The following FARP1 variants were observed in gnomAD, a reference collection of about 807,000 sequenced individuals.
The protein encoded by FARP1 is FERM, ARHGEF and pleckstrin domain-containing protein 1.
Under a neutral mutation model 128.8 loss-of-function variants are expected in FARP1, and 52 were observed. That is an observed-to-expected ratio of 0.40 (90% confidence interval 0.32 to 0.51). The LOEUF is 0.51. Ranked by LOEUF, FARP1 falls within the 20% of genes least tolerant of loss-of-function variation. The probability of loss-of-function intolerance (pLI) is 0.45; values close to 1 mark genes in which losing one functional copy is unlikely to be tolerated. For synonymous variants in FARP1, 580 were observed against 551.8 expected, an observed-to-expected ratio of 1.05 and a Z score of -0.72; for missense variants, 1,333 against 1,367.9, an observed-to-expected ratio of 0.97 and a Z score of 0.40.
chr13:98,299,687 T>A (rs1482317634), intron 2 of FARP1, among the ~76,000 whole-genome samples: 1 of 152,200 alleles, frequency 6.6e-6, no homozygotes, highest in Non-Finnish European at 1.5e-5. Flanking sequence ...TTCTGCAGCC[T>A]TAGGAAGATG....
chr13:98,298,158 G>A (rs1885778139), intron 2 of FARP1, among the ~76,000 whole-genome samples: 1 of 152,206 alleles, frequency 6.6e-6, no homozygotes, highest in African/African-American at 2.4e-5. Context: ...CTGCATATTT[G>A]AGCATCTGTC....
intron 18 of FARP1, chr13:98,435,321 A>C (rs1309761812): frequency 1.6e-5 from 5 of 318,538 alleles, no homozygotes; most frequent in Middle Eastern, 8.9e-4. Context: ...GGTCCGTCTA[A>C]TTGAAGGACA....
chr13:98,194,235 G>A (rs1184399291), intron 1 of FARP1, among the ~76,000 whole-genome samples: 5 of 152,096 alleles, frequency 3.3e-5, no homozygotes, highest in Non-Finnish European at 7.4e-5. Flanking sequence ...TCCTGCCTCA[G>A]CCTCCCGAGT....
chr13:98,421,754 GA>G (rs1010721420), intron 16 of FARP1, among the ~76,000 whole-genome samples: 22 of 152,230 alleles, frequency 1.4e-4, no homozygotes, highest in African/African-American at 5.3e-4. Flanking sequence ...TCAGGAGGCT[GA>G]GGCAGGAAGA....
intron 3 of FARP1, among the ~76,000 whole-genome samples, chr13:98,351,958 C>T (rs1324598759): frequency 6.6e-6 from 1 of 152,122 alleles, no homozygotes; most frequent in African/African-American, 2.4e-5. Flanking sequence ...GACAAATACC[C>T]AAACCATATC....
intron 2 of FARP1, among the ~76,000 whole-genome samples, chr13:98,319,494 C>T (rs1008835172): frequency 2.0e-5 from 3 of 152,110 alleles, no homozygotes; most frequent in Non-Finnish European, 2.9e-5. Flanking sequence ...GTAGCAGGCA[C>T]CTGTAGTCCC....
At chr13:98,233,243 A>G (rs1410282906) in intron 2 of FARP1, among the ~76,000 whole-genome samples, 5 of 152,252 alleles carry the variant, frequency 3.3e-5, no homozygotes, top group Non-Finnish European at 7.3e-5. Context: ...TAATTAAGAA[A>G]GAGGCATGAT....
intron 8 of FARP1, among the ~76,000 whole-genome samples, chr13:98,386,160 C>A (rs2140041852): frequency 6.7e-6 from 1 of 148,812 alleles, no homozygotes; most frequent in Non-Finnish European, 1.5e-5. Context: ...TTCACACTTA[C>A]AGATGATACT....
rs958608500 is a variant in FARP1, at chr13:98,147,433, T to TA, written c.-24+3949dup. On this transcript the variant is annotated intron_variant, in intron 1 of 26. Transcript: ENST00000319562. ...AAAACTGTCATATTTGTTCACACAT[T>TA]AAAAAAAAGAAGAGCCTCAGGCCAC... is the stretch of plus-strand genomic sequence containing the variant. Among the ~76,000 whole-genome samples, 27 of 151,896 alleles carry TA rather than the reference T, an allele frequency of 1.8e-4. No individual in the cohort carries two copies. In the Middle Eastern group the frequency reaches 0.01, roughly 58 times the overall value.
intron 1 of FARP1, among the ~76,000 whole-genome samples, chr13:98,151,056 G>GTATTTTTTTTTTTTTTTTTTTTTTTTTTT: frequency 6.6e-6 from 1 of 151,502 alleles, no homozygotes. Context: ...CAATTCACAG[G>GTATTTTTTTTTTTTTTTTTTTTTTTTTTT]TCTTAAACGG....
At chr13:98,359,852 G>GCACA (rs1228150686) in intron 3 of FARP1, among the ~76,000 whole-genome samples, 3 of 152,214 alleles carry the variant, frequency 2.0e-5, no homozygotes, top group Non-Finnish European at 4.4e-5. Context: ...GATGTGCAAA[G>GCACA]CACACATGTG....
intron 3 of FARP1, 135 bp from the exon 4 acceptor site, chr13:98,365,260 C>A: frequency 1.6e-6 from 1 of 627,120 alleles, no homozygotes. Flanking sequence ...ATACGGCATT[C>A]TGGAGAAAAA....
intron 1 of FARP1, among the ~76,000 whole-genome samples, chr13:98,204,520 T>C (rs1473530857): frequency 1.3e-5 from 2 of 152,236 alleles, no homozygotes; most frequent in Non-Finnish European, 2.9e-5. Context: ...TTTTTCTTTC[T>C]CTTAAAGTAT....
intron 1 of FARP1, among the ~76,000 whole-genome samples, chr13:98,170,518 G>A (rs1219682644): frequency 1.3e-5 from 2 of 152,034 alleles, no homozygotes; most frequent in African/African-American, 2.4e-5. Context: ...CACCACGCCC[G>A]GCTAATTTTT....
At chr13:98,410,681 AC>A in intron 14 of FARP1, 52 bp from the exon 15 acceptor site, 1 of 845,512 alleles carries the variant, frequency 1.2e-6, no homozygotes, top group Non-Finnish European at 2.0e-6. Flanking sequence ...ATTCTCCGAG[AC>A]GCATACTCAA....
chr13:98,176,025 T>A lies in FARP1; in HGVS notation c.-24+32533T>A. ...AATAATTCTGCAGTGAACATGGGAG[T>A]GCACATACCTCTTTGAGATCCGGAT... On this transcript the variant is annotated intron_variant, in intron 1 of 26. Coordinates refer to ENST00000319562, the MANE Select transcript of FARP1 (RefSeq NM_005766.4). This position sits in a 1 kb window ranked among gnomAD's most constrained non-coding sequence, Gnocchi z 6.2. 2.6e-6 allele frequency: 2 copies of A among 780,138 alleles called. No individual in the cohort carries two copies. Among genetic ancestry groups the A allele is most frequent in the Admixed American group, 2.5e-5 (1 of 40,088 alleles). The allele number at this position is 780,138 out of a possible 1,614,324, so 48.3% of individuals were successfully genotyped here. A position where few individuals can be genotyped will look rare whatever the true frequency, so the allele number is the denominator to read the frequency against.
chr13:98,218,173 C>G (rs1266917555), intron 2 of FARP1, among the ~76,000 whole-genome samples: 1 of 149,182 alleles, frequency 6.7e-6, no homozygotes, highest in East Asian at 2.0e-4. Context: ...CTGCCCTGTT[C>G]TTACCTCTTT....
At chr13:98,427,001 G>A (rs978582265) in intron 17 of FARP1, among the ~76,000 whole-genome samples, 3 of 152,028 alleles carry the variant, frequency 2.0e-5, no homozygotes, top group Non-Finnish European at 2.9e-5. Flanking sequence ...TGCTATTAGC[G>A]TTTTGCATTG....
At chr13:98,233,030 C>T (rs753682800) in intron 2 of FARP1, among the ~76,000 whole-genome samples, 12 of 152,116 alleles carry the variant, frequency 7.9e-5, no homozygotes, top group African/African-American at 1.7e-4. Flanking sequence ...AGGCTGTAAG[C>T]GAGCACTTGC....
Sources: allele counts gnomAD v4.1 joint callset (sites outside exome capture counted in the v4.1 genomes callset), GRCh38; gene constraint gnomAD v4.1.1; non-coding constraint Gnocchi (gnomAD v3.1); transcripts MANE v1.5; gene names NCBI Gene and HGNC (gene_info 2026-07-23, HGNC 2026-07-21).